Variants in NAALADL2 observed in about 807,000 individuals in gnomAD.
NAALADL2 encodes the protein inactive N-acetylated-alpha-linked acidic dipeptidase-like protein 2.
In NAALADL2, 76 loss-of-function variants were observed where a neutral mutation model predicts 87.2. The ratio of observed to expected loss-of-function variants is 0.87; its 90% CI spans 0.72 to 1.05. The LOEUF (loss-of-function observed/expected upper bound fraction) is 1.05. NAALADL2 is among the 50% of genes least tolerant of loss of function. The pLI is 0.00. For missense variants in NAALADL2, 1,089 were observed against 945.8 expected, an observed-to-expected ratio of 1.15 and a Z score of -1.99; for synonymous variants, 354 against 331.0, an observed-to-expected ratio of 1.07 and a Z score of -0.75.
chr3:174,586,992 C>T (rs1009107866), intron 2 of NAALADL2, among the ~76,000 whole-genome samples: 1 of 137,444 alleles, frequency 7.3e-6, no homozygotes, highest in Non-Finnish European at 1.6e-5. Flanking sequence ...CCTCCCCCCA[C>T]CCCACGACAG....
chr3:175,420,224 T>A (rs868599862), intron 5 of NAALADL2, among the ~76,000 whole-genome samples: 2 of 152,032 alleles, frequency 1.3e-5, no homozygotes, highest in Admixed American at 1.3e-4. Context: ...GATTCTTGTC[T>A]CTTCTGCATG....
At chr3:175,243,080 C>G (rs1747229649) in intron 3 of NAALADL2, among the ~76,000 whole-genome samples, 1 of 151,366 alleles carries the variant, frequency 6.6e-6, no homozygotes, top group African/African-American at 2.4e-5. Flanking sequence ...AACACACACA[C>G]ACACACACAC....
Position 175,804,927 on chromosome 3 carries a change from T to C in NAALADL2, c.*1724T>C, listed in dbSNP as rs146751794. On this transcript the variant is annotated 3_prime_UTR_variant, in exon 14 of 14. Transcript: ENST00000454872. ...GATGAAAAATGAAACTACCTTACAA[T>C]ATTATTTTTTTAACCAATGTATTTG... The C allele has an allele frequency of 6.6e-6, 1 of 151,908 alleles. No individual in the cohort carries two copies. The highest frequency in any genetic ancestry group is 6.6e-5 in the Admixed American group (1 of 15,214). 9.4% of individuals were successfully genotyped at this position (151,908 alleles called of 1,614,324 possible). A position where few individuals can be genotyped will look rare whatever the true frequency, so the allele number is the denominator to read the frequency against.
At chr3:174,914,613 G>A (rs1204949233) in intron 1 of NAALADL2, among the ~76,000 whole-genome samples, 1 of 151,946 alleles carries the variant, frequency 6.6e-6, no homozygotes, top group African/African-American at 2.4e-5. Context: ...TAATCTATCA[G>A]TTAGAACAGG....
At chr3:175,603,175 C>T (rs1461433246) in intron 10 of NAALADL2, among the ~76,000 whole-genome samples, 1 of 152,084 alleles carries the variant, frequency 6.6e-6, no homozygotes, top group Non-Finnish European at 1.5e-5. Context: ...TCCTTTATAG[C>T]GTTTATTTAT....
intron 1 of NAALADL2, among the ~76,000 whole-genome samples, chr3:174,986,290 AAT>A (rs991265696): frequency 9.0e-5 from 13 of 143,740 alleles, no homozygotes; most frequent in African/African-American, 3.0e-4. Context: ...ATATATACAC[AAT>A]ATATATAATA....
intron 3 of NAALADL2, among the ~76,000 whole-genome samples, chr3:175,244,478 G>A (rs1189299462): frequency 1.3e-5 from 2 of 151,966 alleles, no homozygotes; most frequent in African/African-American, 4.8e-5. Context: ...GCAACCAACC[G>A]AGATACTGTC....
In NAALADL2 at chr3:175,760,975, T is replaced by A. The variant is rs1386602489; in HGVS notation, c.2189+5557T>A. Among the ~76,000 whole-genome samples the A allele has an allele frequency of 2.0e-5, 3 of 152,314 alleles. No individual in the cohort carries two copies. The East Asian group carries it at 5.8e-4, about 29-fold the overall frequency. ...CATCCCCTCTTCCTAGACACAGTTA[T>A]CCCAATTGTTAATATCTTGCAGTAG... On this transcript the variant is annotated intron_variant, in intron 13 of 13. Coordinates refer to ENST00000454872, the MANE Select transcript of NAALADL2 (RefSeq NM_207015.3).
At chr3:175,794,892 T>A (rs1425823889) in intron 13 of NAALADL2, among the ~76,000 whole-genome samples, 2 of 152,182 alleles carry the variant, frequency 1.3e-5, no homozygotes, top group African/African-American at 4.8e-5. Flanking sequence ...TTCTCACAGT[T>A]CTCAGGACTG....
At chr3:174,785,501 G>A (rs1026072258) in intron 3 of NAALADL2, among the ~76,000 whole-genome samples, 2 of 152,110 alleles carry the variant, frequency 1.3e-5, no homozygotes, top group African/African-American at 2.4e-5. Context: ...ATTGCTCTAT[G>A]TGTCTGTTTT....
chr3:175,460,707 A>C lies in NAALADL2; in HGVS notation c.1235-2694A>C, dbSNP rs150958787. Reference sequence around the variant, plus strand: ...AGAATCAACAATCAGAGAAGTAAGCAAAAGAGTTGGTACTCTGTTTGCCGC... The same window carrying C: ...AGAATCAACAATCAGAGAAGTAAGCCAAAGAGTTGGTACTCTGTTTGCCGC... On this transcript the variant is annotated intron_variant, in intron 6 of 13. Coordinates refer to ENST00000454872, the MANE Select transcript of NAALADL2 (RefSeq NM_207015.3). Among the ~76,000 whole-genome samples, 233 of 152,332 alleles carry C rather than the reference A, an allele frequency of 1.5e-3. 1 individual carries two copies. The highest frequency in any genetic ancestry group is 6.8e-3 in the Middle Eastern group (2 of 294).
At chr3:175,763,589 T>G (rs938489752) in intron 13 of NAALADL2, among the ~76,000 whole-genome samples, 11 of 152,192 alleles carry the variant, frequency 7.2e-5, no homozygotes, top group African/African-American at 2.7e-4. Context: ...GATCTTTGAT[T>G]TTAATCTTTT....
intron 4 of NAALADL2, among the ~76,000 whole-genome samples, chr3:175,257,381 T>TA (rs146491013): frequency 0.021 from 3,147 of 151,764 alleles, 92 homozygotes; most frequent in African/African-American, 0.073. Context: ...GTTTTTTTTT[T>TA]ATTATCTTCC....
intron 11 of NAALADL2, among the ~76,000 whole-genome samples, chr3:175,632,720 A>G (rs1424647634): frequency 6.6e-6 from 1 of 152,046 alleles, no homozygotes; most frequent in East Asian, 1.9e-4. Context: ...GGAGAAAGCG[A>G]TGATGACTTT....
chr3:174,659,762 C>T (rs1377486709), intron 2 of NAALADL2, among the ~76,000 whole-genome samples: 1 of 152,258 alleles, frequency 6.6e-6, no homozygotes, highest in Admixed American at 6.5e-5. Flanking sequence ...AACCCATCTA[C>T]CCATGGTCAC....
chr3:175,385,100 G>T (rs1411952382), intron 5 of NAALADL2, among the ~76,000 whole-genome samples: 1 of 151,978 alleles, frequency 6.6e-6, no homozygotes, highest in African/African-American at 2.4e-5. Flanking sequence ...TGATTAACCT[G>T]AACATTCAAG....
chr3:175,334,972 C>T (rs983268306), intron 5 of NAALADL2, among the ~76,000 whole-genome samples: 2 of 152,024 alleles, frequency 1.3e-5, no homozygotes, highest in African/African-American at 4.8e-5. Context: ...AACGTTGTGC[C>T]GTTGTGTGAA....
At chr3:175,290,670 G>A (rs1041015296) in intron 4 of NAALADL2, among the ~76,000 whole-genome samples, 8 of 152,140 alleles carry the variant, frequency 5.3e-5, no homozygotes, top group Non-Finnish European at 1.0e-4. Context: ...AGACCTTGGC[G>A]ATGACCTTGA....
chr3:174,975,548 C>A (rs376159204), intron 1 of NAALADL2, among the ~76,000 whole-genome samples: 1 of 152,100 alleles, frequency 6.6e-6, no homozygotes, highest in Non-Finnish European at 1.5e-5. Flanking sequence ...ATAATAACCC[C>A]GCCGCCCCCC....
Sources: gnomAD v4.1 joint callset for allele counts (sites outside exome capture counted in the v4.1 genomes callset) on GRCh38, gnomAD v4.1.1 for gene constraint, MANE v1.5 for transcripts, NCBI Gene and HGNC (gene_info 2026-07-23, HGNC 2026-07-21) for gene names.